SLC35D4: variants seen among roughly 807,000 people sequenced by gnomAD.
The protein encoded by SLC35D4 is solute carrier family 35 member D4.
the SLC35D4 span, among the ~76,000 whole-genome samples, chr18:23,271,848 G>A: frequency 3.5e-4 from 54 of 152,282 alleles, 1 homozygote; most frequent in East Asian, 9.1e-3. Context: ...GGTTCAGAGA[G>A]CTTCCTGATA....
At chr18:23,326,239 T>G in the SLC35D4 span, among the ~76,000 whole-genome samples, 2 of 152,124 alleles carry the variant, frequency 1.3e-5, no homozygotes, top group Non-Finnish European at 2.9e-5. Flanking sequence ...AATGCCCCAA[T>G]TAAAAGACAC....
chr18:23,423,121 C>A, the SLC35D4 span, among the ~76,000 whole-genome samples: 1 of 152,214 alleles, frequency 6.6e-6, no homozygotes, highest in Admixed American at 6.5e-5. Flanking sequence ...TGTGCAGCCA[C>A]ATTCCAGCCA....
At chr18:23,406,573 G>A in the SLC35D4 span, among the ~76,000 whole-genome samples, 2 of 152,056 alleles carry the variant, frequency 1.3e-5, no homozygotes, top group Admixed American at 1.3e-4. Context: ...CCAAACAACT[G>A]GTTAAAAATC....
At chr18:23,385,897 C>T in the SLC35D4 span, among the ~76,000 whole-genome samples, 29 of 151,722 alleles carry the variant, frequency 1.9e-4, no homozygotes, top group Admixed American at 1.1e-3. Context: ...TTTGGGAGGC[C>T]GAGAAGAGTG....
chr18:23,300,949 G>A, the SLC35D4 span, among the ~76,000 whole-genome samples: 1 of 152,210 alleles, frequency 6.6e-6, no homozygotes, highest in Admixed American at 6.5e-5. Context: ...ATTAATTCCT[G>A]TTGAGCTAGT....
the SLC35D4 span, among the ~76,000 whole-genome samples, chr18:23,395,841 C>T: frequency 1.3e-5 from 2 of 152,180 alleles, no homozygotes; most frequent in African/African-American, 4.8e-5. Context: ...GGCAAGCAGG[C>T]CCGAATCAGC....
the SLC35D4 span, among the ~76,000 whole-genome samples, chr18:23,246,620 T>C: frequency 6.6e-6 from 1 of 151,778 alleles, no homozygotes; most frequent in African/African-American, 2.4e-5. Context: ...CTCGATCTCC[T>C]GACCTTGTGA....
the SLC35D4 span, chr18:23,399,751 G>A: frequency 5.6e-6 from 6 of 1,080,132 alleles, no homozygotes; most frequent in African/African-American, 1.6e-5. Flanking sequence ...AACAACAGAG[G>A]CTGTCTAAAA....
the SLC35D4 span, among the ~76,000 whole-genome samples, chr18:23,280,151 C>T: frequency 6.6e-6 from 1 of 152,282 alleles, no homozygotes; most frequent in African/African-American, 2.4e-5. Context: ...AGACCCTGCA[C>T]TGCAGGCAGC....
At chr18:23,249,958 C>A in the SLC35D4 span, among the ~76,000 whole-genome samples, 5 of 152,238 alleles carry the variant, frequency 3.3e-5, no homozygotes, top group African/African-American at 1.2e-4. Flanking sequence ...TCACTCAGGT[C>A]TGGGGTGAGC....
chr18:23,253,230 C>A, the SLC35D4 span, among the ~76,000 whole-genome samples: 1 of 152,200 alleles, frequency 6.6e-6, no homozygotes, highest in Non-Finnish European at 1.5e-5. Flanking sequence ...CACCTGTAAT[C>A]CCAGCACTTT....
At chr18:23,253,887 C>A in the SLC35D4 span, 3 of 1,614,128 alleles carry the variant, frequency 1.9e-6, no homozygotes, top group Non-Finnish European at 2.5e-6. Flanking sequence ...CTGTTAGCAG[C>A]CAAAATTGGA....
the SLC35D4 span, among the ~76,000 whole-genome samples, chr18:23,370,656 A>G: frequency 1.3e-5 from 2 of 152,226 alleles, no homozygotes; most frequent in African/African-American, 2.4e-5. Context: ...TTCCCCCAGG[A>G]CTACAGACAA....
At chr18:23,245,014 G>A in the SLC35D4 span, among the ~76,000 whole-genome samples, 1 of 152,222 alleles carries the variant, frequency 6.6e-6, no homozygotes. Context: ...CCAACAACCT[G>A]TCTGCTCTGA....
chr18:23,295,436 C>T, the SLC35D4 span, among the ~76,000 whole-genome samples: 3 of 151,956 alleles, frequency 2.0e-5, no homozygotes, highest in South Asian at 2.1e-4. Flanking sequence ...TATTATTTTT[C>T]CTCCAAATTA....
the SLC35D4 span, chr18:23,257,700 C>A: frequency 4.3e-6 from 1 of 231,472 alleles, no homozygotes; most frequent in Non-Finnish European, 8.2e-6. Context: ...TGGTCCAGGG[C>A]CTTCTCCAGA....
chr18:23,315,997 C>T, the SLC35D4 span, among the ~76,000 whole-genome samples: 1 of 152,260 alleles, frequency 6.6e-6, no homozygotes, highest in East Asian at 1.9e-4. Context: ...GCATCAGCAA[C>T]ACCTGGGAGC....
At chr18:23,411,595 A>G in the SLC35D4 span, among the ~76,000 whole-genome samples, 7 of 152,110 alleles carry the variant, frequency 4.6e-5, no homozygotes, top group Non-Finnish European at 8.8e-5. Context: ...AGCCACAAAG[A>G]CTGCAGACCT....
At chr18:23,367,303 C>T in the SLC35D4 span, among the ~76,000 whole-genome samples, 2 of 147,276 alleles carry the variant, frequency 1.4e-5, no homozygotes, top group African/African-American at 5.0e-5. Flanking sequence ...ATTCAGCGCA[C>T]TTGAAAAAAA....
Sources: gnomAD v4.1 joint callset for allele counts (sites outside exome capture counted in the v4.1 genomes callset) on GRCh38, gnomAD v4.1.1 for gene constraint, MANE v1.5 for transcripts, NCBI Gene and HGNC (gene_info 2026-07-23, HGNC 2026-07-21) for gene names.